RPL22L1: variants seen among roughly 807,000 people sequenced by gnomAD.
RPL22L1 encodes the protein ribosomal protein L22 like 1, also known as ribosomal protein eL22-like.
In RPL22L1, 19 loss-of-function variants were observed where a neutral mutation model predicts 17.3. That is an observed-to-expected ratio of 1.10 (90% CI 0.77 to 1.61). The LOEUF (loss-of-function observed/expected upper bound fraction) is 1.61, where lower values mean the gene tolerates loss of function less well. Among genes scored for constraint, RPL22L1 ranks in the 40% most tolerant of loss-of-function variants. The pLI is 0.00. For missense variants in RPL22L1, 139 were observed against 144.4 expected (o/e 0.96, Z 0.19); for synonymous variants, 48 against 48.5 (o/e 0.99, Z 0.05).
In RPL22L1 at chr3:170,865,121, C is replaced by G. The variant is rs1385683084; in HGVS notation, c.*1259G>C. Reference sequence around the variant, plus strand: ...GAGCCAAGTTAGGAAGTTCAGTCATCCAAGAATCAAGGAGTTGCTGCACTG... The same window carrying G: ...GAGCCAAGTTAGGAAGTTCAGTCATGCAAGAATCAAGGAGTTGCTGCACTG... On this transcript the variant is annotated 3_prime_UTR_variant, in exon 4 of 4. Transcript: ENST00000295830. 1 of 152,204 alleles carries G rather than the reference C, an allele frequency of 6.6e-6. No individual in the cohort carries two copies. Among genetic ancestry groups the G allele is most frequent in the Non-Finnish European group, 1.5e-5 (1 of 68,044 alleles). The allele number at this position is 152,204 out of a possible 1,614,324, so 9.4% of individuals were successfully genotyped here. A position where few individuals can be genotyped will look rare whatever the true frequency, so the allele number is the denominator to read the frequency against.
At position 170,865,905 on chromosome 3, in the gene RPL22L1, A is replaced by G. The variant is rs1166365531; in HGVS notation, c.*475T>C. On this transcript the variant is annotated 3_prime_UTR_variant, in exon 4 of 4. Coordinates refer to ENST00000295830, the MANE Select transcript of RPL22L1 (RefSeq NM_001099645.2). Reference sequence around the variant, plus strand: ...GGCATGGTGGTTCACAGCTATAATCAGCACTTTGGGAAGCCGAGGTGGGTA... The same window carrying G: ...GGCATGGTGGTTCACAGCTATAATCGGCACTTTGGGAAGCCGAGGTGGGTA... 6.6e-6 allele frequency: 1 copy of G among 152,404 alleles called. No individual in the cohort carries two copies. The highest frequency in any genetic ancestry group is 6.5e-5 in the Admixed American group (1 of 15,312). 9.4% of individuals were successfully genotyped at this position (152,404 alleles called of 1,614,324 possible). A position where few individuals can be genotyped will look rare whatever the true frequency, so the allele number is the denominator to read the frequency against.
At chr3:170,869,086 C>A (rs546947147) in intron 1 of RPL22L1, among the ~76,000 whole-genome samples, 1 of 149,846 alleles carries the variant, frequency 6.7e-6, no homozygotes, top group Non-Finnish European at 1.5e-5. Context: ...TGCCACTATA[C>A]TCCCACCTGG....
chr3:170,869,270 AT>A (rs1417256869), intron 1 of RPL22L1, among the ~76,000 whole-genome samples: 2 of 152,226 alleles, frequency 1.3e-5, no homozygotes, highest in African/African-American at 4.8e-5. Flanking sequence ...ACAAATCTGT[AT>A]TTATCAGACT....
Position 170,866,227 on chromosome 3 carries a change from TC to T in RPL22L1, c.*152del. ...GATAGTTATCAGAGGGAAATCAAAA[TC>T]ATATAAACAGCATACTCAAAAAAAT... On this transcript the variant is annotated 3_prime_UTR_variant, in exon 4 of 4. Coordinates refer to ENST00000295830, the MANE Select transcript of RPL22L1 (RefSeq NM_001099645.2). 1.8e-6 allele frequency: 1 copy of T among 561,464 alleles called. No homozygotes were observed. The highest frequency in any genetic ancestry group is 3.0e-6 in the Non-Finnish European group (1 of 333,622). 34.8% of individuals were successfully genotyped at this position (561,464 alleles called of 1,614,324 possible). A position where few individuals can be genotyped will look rare whatever the true frequency, so the allele number is the denominator to read the frequency against.
intron 1 of RPL22L1, chr3:170,869,868 AC>A (rs1237003730): frequency 5.3e-6 from 3 of 568,094 alleles, no homozygotes; most frequent in Non-Finnish European, 1.0e-5. Flanking sequence ...AGATTGCAGT[AC>A]CACCGGCCCA....
intron 1 of RPL22L1, among the ~76,000 whole-genome samples, chr3:170,868,816 A>G (rs1711872024): frequency 1.3e-5 from 2 of 148,636 alleles, no homozygotes; most frequent in African/African-American, 2.5e-5. Flanking sequence ...AAAAAAAAAA[A>G]AAGAAAAGAA....
In RPL22L1 at chr3:170,866,400, C is replaced by T. The variant is rs772522393; in HGVS notation, c.349G>A (p.Glu117Lys). 2.1e-5 allele frequency: 33 copies of T among 1,605,934 alleles called. No individual in the cohort carries two copies. In the Admixed American group the frequency reaches 5.6e-4, roughly 27 times the overall value. The change falls in exon 4 of 4, where the codon GAA becomes AAA. Residue 117 changes from glutamate (E) to lysine (K), a missense_variant. By Grantham distance (56) the Glu-to-Lys change is moderately conservative (BLOSUM62 1). Transcript: ENST00000295830. ...TTTGCCTAGTCCTCCGACTCTGATT[C>T]ATCTTCATCTTGACTAATCTGGAAG... ...RYFQISQDED[E>K]SESED
intron 3 of RPL22L1, among the ~76,000 whole-genome samples, chr3:170,866,772 AATT>A (rs1169861551): frequency 6.6e-6 from 1 of 152,164 alleles, no homozygotes; most frequent in African/African-American, 2.4e-5. Flanking sequence ...GCTACAGCCA[AATT>A]ATTTAAGCAA....
chr3:170,867,952 C>G, intron 3 of RPL22L1, 61 bp downstream of exon 3: 1 of 1,298,166 alleles, frequency 7.7e-7, no homozygotes, highest in South Asian at 1.4e-5. Flanking sequence ...GTAATAACTA[C>G]ATATTCTATG....
At chr3:170,866,570 C>T (rs1351963557) in intron 3 of RPL22L1, 46 bp from the exon 4 acceptor site, 1 of 1,423,146 alleles carries the variant, frequency 7.0e-7, no homozygotes, top group Non-Finnish European at 9.6e-7. Context: ...ACAATTCCTA[C>T]TATGTAAAGG....
At chr3:170,868,167 G>C (rs1331679791) in intron 2 of RPL22L1, 33 bp from the exon 3 acceptor site, 1 of 1,598,006 alleles carries the variant, frequency 6.3e-7, no homozygotes. Context: ...CAAAACTAGG[G>C]AAGAGAACCC....
At position 170,866,415 on chromosome 3, in the gene RPL22L1, T is replaced by C. The variant is rs1314426782; in HGVS notation, c.334A>G (p.Ser112Gly). Residue 112 changes from serine (S) to glycine (G), a missense_variant, in exon 4 of 4, where the codon AGT becomes GGT. Physicochemically the swap from Ser to Gly is moderately conservative, Grantham distance 56. Coordinates refer to ENST00000295830, the MANE Select transcript of RPL22L1 (RefSeq NM_001099645.2). ...GACTCTGATTCATCTTCATCTTGACTAATCTGGAAGTAACGAAGTTCGTAG... is the reference window on the plus strand; with the variant it reads ...GACTCTGATTCATCTTCATCTTGACCAATCTGGAAGTAACGAAGTTCGTAG... ...ETYELRYFQI[S>G]QDEDESESED 11 of 1,606,892 alleles carry C rather than the reference T, an allele frequency of 6.8e-6. No individual in the cohort carries two copies. Among genetic ancestry groups the C allele is most frequent in the Non-Finnish European group, 9.4e-6 (11 of 1,176,362 alleles).
chr3:170,866,204 T>C lies in RPL22L1; in HGVS notation c.*176A>G, dbSNP rs1430664456. ...CTATAAGCTATTTAAATACTGTTGA[T>C]AGTTATCAGAGGGAAATCAAAATCA... On this transcript the variant is annotated 3_prime_UTR_variant, in exon 4 of 4. Coordinates refer to ENST00000295830, the MANE Select transcript of RPL22L1 (RefSeq NM_001099645.2). The C allele has an allele frequency of 3.9e-6, 2 of 513,416 alleles. No individual in the cohort carries two copies. The highest frequency in any genetic ancestry group is 3.7e-5 in the South Asian group (1 of 27,128). 31.8% of individuals were successfully genotyped at this position (513,416 alleles called of 1,614,324 possible). A position where few individuals can be genotyped will look rare whatever the true frequency, so the allele number is the denominator to read the frequency against.
At chr3:170,867,521 G>A (rs982716780) in intron 3 of RPL22L1, among the ~76,000 whole-genome samples, 2 of 151,912 alleles carry the variant, frequency 1.3e-5, no homozygotes, top group African/African-American at 4.8e-5. Context: ...CTTGGTGGTG[G>A]GTAAACTGCC....
rs138145634 is a variant in RPL22L1 at position 170,866,885 on chromosome 3, C to T, written c.225-361G>A. 5.0e-4 allele frequency among the ~76,000 whole-genome samples: 76 copies of T among 152,312 alleles called. No homozygotes were observed. The East Asian group carries it at 0.014, about 27-fold the overall frequency. On this transcript the variant is annotated intron_variant, in intron 3 of 3. Transcript: ENST00000295830. ...AGCCCCCTAGCTCCCAATCCCACCC[C>T]GGCTCAACAGGCAACCTATTAATAA...
chr3:170,866,606 T>A (rs1045477268), intron 3 of RPL22L1, 82 bp from the exon 4 acceptor site: 2 of 980,188 alleles, frequency 2.0e-6, no homozygotes, highest in Non-Finnish European at 3.0e-6. Flanking sequence ...ATATACATCA[T>A]CATATTCATC....
chr3:170,868,780 T>C (rs1311602986), intron 1 of RPL22L1, among the ~76,000 whole-genome samples: 1 of 137,256 alleles, frequency 7.3e-6, no homozygotes, highest in East Asian at 2.1e-4. Flanking sequence ...TACGTTATTA[T>C]AGGCAAGGGA....
At position 170,868,339 on chromosome 3, in the gene RPL22L1, T is replaced by C. The variant is rs745955691; in HGVS notation, c.61A>G (p.Thr21Ala). 6.2e-7 allele frequency: 1 copy of C among 1,611,184 alleles called. No homozygotes were observed. The highest frequency in any genetic ancestry group is 1.7e-5 in the Admixed American group (1 of 59,930). The change falls in exon 2 of 4, where the codon ACT (threonine) becomes GCT (alanine). Residue 21 changes from threonine (T) to alanine (A), a missense_variant. By Grantham distance (58) the Thr-to-Ala change is moderately conservative. Transcript: ENST00000295830. Reference sequence around the variant, plus strand: ...AAAATTCCATCTTCTACTGGATGAGTAAGGTCCAAATTAAACCTCCAGGTT... The same window carrying C: ...AAAATTCCATCTTCTACTGGATGAGCAAGGTCCAAATTAAACCTCCAGGTT... ...RSTWRFNLDL[T>A]HPVEDGIFDS...
At position 170,866,117 on chromosome 3, in the gene RPL22L1, T is replaced by C. The variant is rs1481479814; in HGVS notation, c.*263A>G. ...GTGTCTAAAAAAAAGATTTCCTATA[T>C]AACGCTACTTTTACCTGAGTACATA... On this transcript the variant is annotated 3_prime_UTR_variant, in exon 4 of 4. Coordinates refer to ENST00000295830, the MANE Select transcript of RPL22L1 (RefSeq NM_001099645.2). The C allele has an allele frequency of 7.8e-6, 2 of 254,804 alleles. No individual in the cohort carries two copies. The allele number at this position is 254,804 out of a possible 1,614,324, so 15.8% of individuals were successfully genotyped here. A position where few individuals can be genotyped will look rare whatever the true frequency, so the allele number is the denominator to read the frequency against.
Sources: allele counts gnomAD v4.1 joint callset (sites outside exome capture counted in the v4.1 genomes callset), GRCh38; gene constraint gnomAD v4.1.1; transcripts MANE v1.5; gene names NCBI Gene and HGNC (gene_info 2026-07-23, HGNC 2026-07-21).